NLGN1: variants seen among roughly 807,000 people sequenced by gnomAD.
NLGN1 encodes neuroligin-1.
In NLGN1, 12 loss-of-function variants were observed where a neutral mutation model predicts 65.5. That is an observed-to-expected ratio of 0.18 (90% CI 0.12 to 0.30). The LOEUF is 0.30. Ranked by LOEUF, NLGN1 falls within the 10% of genes least tolerant of loss-of-function variation. The probability of loss-of-function intolerance (pLI) is 1.00; values close to 1 mark genes in which losing one functional copy is unlikely to be tolerated. For missense variants in NLGN1, 750 were observed against 1,007.1 expected, an observed-to-expected ratio of 0.74 and a Z score of 3.46; for synonymous variants, 350 against 359.5, an observed-to-expected ratio of 0.97 and a Z score of 0.30.
chr3:173,402,866 C>T (rs1459970969), intron 1 of NLGN1, among the ~76,000 whole-genome samples: 1 of 152,056 alleles, frequency 6.6e-6, no homozygotes, highest in Non-Finnish European at 1.5e-5. Context: ...TGTTTTTGAT[C>T]ATCATGGTCG....
intron 4 of NLGN1, among the ~76,000 whole-genome samples, chr3:174,009,171 C>T (rs985379776): frequency 6.6e-6 from 1 of 152,170 alleles, no homozygotes; most frequent in Admixed American, 6.5e-5. Context: ...AAGGAGCAAG[C>T]TCTCTTAAGA....
At chr3:173,573,525 TATA>T (rs201562031) in intron 2 of NLGN1, among the ~76,000 whole-genome samples, 4,729 of 148,768 alleles carry the variant, frequency 0.032, 122 homozygotes, top group Middle Eastern at 0.14. Flanking sequence ...ATATTTAATA[TATA>T]ATCATTTATA....
chr3:173,471,708 T>C (rs1333844228), intron 2 of NLGN1, among the ~76,000 whole-genome samples: 1 of 152,102 alleles, frequency 6.6e-6, no homozygotes, highest in African/African-American at 2.4e-5. Context: ...TTATTAAGGA[T>C]GGAATATCAA....
At chr3:173,704,349 T>C (rs942565456) in intron 3 of NLGN1, among the ~76,000 whole-genome samples, 13 of 152,212 alleles carry the variant, frequency 8.5e-5, no homozygotes, top group African/African-American at 2.9e-4. Context: ...CAAGCTGTAG[T>C]CTTTCAGTAT....
chr3:173,989,329 G>A (rs1720599319), intron 4 of NLGN1, among the ~76,000 whole-genome samples: 1 of 152,098 alleles, frequency 6.6e-6, no homozygotes, highest in South Asian at 2.1e-4. Context: ...AAAAACTCTT[G>A]TCCACTATAA....
At chr3:173,989,150 T>C (rs1720564504) in intron 4 of NLGN1, among the ~76,000 whole-genome samples, 1 of 152,174 alleles carries the variant, frequency 6.6e-6, no homozygotes, top group South Asian at 2.1e-4. Context: ...AAGGCAGTTG[T>C]TATCTCTGAA....
At chr3:174,170,090 G>C (rs985379607) in intron 4 of NLGN1, among the ~76,000 whole-genome samples, 12 of 151,958 alleles carry the variant, frequency 7.9e-5, no homozygotes, top group African/African-American at 2.9e-4. Context: ...AAGCTTTGGG[G>C]TATCCTTCAA....
At chr3:173,441,511 A>G (rs1049484359) in intron 2 of NLGN1, among the ~76,000 whole-genome samples, 2 of 152,128 alleles carry the variant, frequency 1.3e-5, no homozygotes, top group African/African-American at 4.8e-5. Flanking sequence ...GCCTAGTTTC[A>G]GTATTGTTGT....
At chr3:174,156,802 AG>A (rs1344218310) in intron 4 of NLGN1, among the ~76,000 whole-genome samples, 1 of 151,760 alleles carries the variant, frequency 6.6e-6, no homozygotes, top group Non-Finnish European at 1.5e-5. Flanking sequence ...TATCAAAAAT[AG>A]CACTATTGCA....
At chr3:173,887,872 A>T in intron 4 of NLGN1, among the ~76,000 whole-genome samples, 1 of 126,818 alleles carries the variant, frequency 7.9e-6, no homozygotes, top group East Asian at 2.6e-4. Flanking sequence ...AAATAACACT[A>T]AAAAAAACCC....
At chr3:174,244,999 T>C (rs1324860266) in intron 4 of NLGN1, among the ~76,000 whole-genome samples, 1 of 152,198 alleles carries the variant, frequency 6.6e-6, no homozygotes, top group Non-Finnish European at 1.5e-5. Context: ...TTGTCTGACA[T>C]CTTGTATTTA....
intron 3 of NLGN1, chr3:173,800,428 T>A (rs1236507747): frequency 2.0e-5 from 9 of 441,860 alleles, no homozygotes; most frequent in Non-Finnish European, 2.9e-5. Context: ...TTTTTTTACT[T>A]CTTGTCTTTT....
intron 4 of NLGN1, among the ~76,000 whole-genome samples, chr3:174,232,541 GGGAC>G (rs1243515309): frequency 1.3e-5 from 2 of 152,148 alleles, no homozygotes; most frequent in African/African-American, 4.8e-5. Context: ...ATGTATACAT[GGGAC>G]CCTTCAGAAT....
intron 2 of NLGN1, among the ~76,000 whole-genome samples, chr3:173,529,050 C>T (rs1164474550): frequency 2.0e-5 from 3 of 152,160 alleles, no homozygotes; most frequent in African/African-American, 7.2e-5. Context: ...TCCTTATCAT[C>T]TAGGGAAGCT....
intron 2 of NLGN1, among the ~76,000 whole-genome samples, chr3:173,472,106 A>G (rs138471801): frequency 6.6e-6 from 1 of 152,278 alleles, no homozygotes; most frequent in African/African-American, 2.4e-5. Context: ...CCCTTAAGAA[A>G]AAGTCATTAT....
chr3:173,675,743 A>T (rs1763037995), intron 3 of NLGN1, among the ~76,000 whole-genome samples: 1 of 151,960 alleles, frequency 6.6e-6, no homozygotes, highest in African/African-American at 2.4e-5. Flanking sequence ...AAGGATCTTT[A>T]TTGGTGATGG....
chr3:173,580,176 A>G (rs12494711), intron 2 of NLGN1, among the ~76,000 whole-genome samples: 59,136 of 151,926 alleles, frequency 0.39, 12,837 homozygotes, highest in East Asian at 0.73. Context: ...AAAAGCAACA[A>G]TGAAATACTT....
chr3:173,590,284 G>A (rs181335558), intron 2 of NLGN1, among the ~76,000 whole-genome samples: 2 of 152,286 alleles, frequency 1.3e-5, no homozygotes, highest in Non-Finnish European at 1.5e-5. Flanking sequence ...ATAAGTGACA[G>A]TGTTATCTAT....
chr3:173,568,084 T>A (rs1481604719), intron 2 of NLGN1, among the ~76,000 whole-genome samples: 1 of 152,174 alleles, frequency 6.6e-6, no homozygotes, highest in East Asian at 1.9e-4. Flanking sequence ...AAAATAATGA[T>A]TTATCTTTAG....
Sources: gnomAD v4.1 joint callset for allele counts (sites outside exome capture counted in the v4.1 genomes callset) on GRCh38, gnomAD v4.1.1 for gene constraint, MANE v1.5 for transcripts, NCBI Gene and HGNC (gene_info 2026-07-23, HGNC 2026-07-21) for gene names.